FCRL2: variants seen among roughly 807,000 people sequenced by gnomAD.
FCRL2 encodes Fc receptor like 2.
FCRL2 carries 48 observed loss-of-function variants against 59.8 expected under a neutral mutation model. The observed-to-expected ratio is 0.80, with a 90% CI of 0.64 to 1.02. The LOEUF (loss-of-function observed/expected upper bound fraction) is 1.02. Ranked by LOEUF, FCRL2 falls within the 50% of genes least tolerant of loss-of-function variation. The pLI, the probability that FCRL2 is intolerant of heterozygous loss-of-function variation, is 0.00. For synonymous variants in FCRL2, 251 were observed against 229.5 expected, an observed-to-expected ratio of 1.09 and a Z score of -0.85; for missense variants, 658 against 597.3, an observed-to-expected ratio of 1.10 and a Z score of -1.06.
chr1:157,751,531 A>G (rs1388286557), intron 7 of FCRL2, among the ~76,000 whole-genome samples: 1 of 152,214 alleles, frequency 6.6e-6, no homozygotes, highest in South Asian at 2.1e-4. Context: ...ATAAAGGAAC[A>G]TTCATTTCAG....
intron 7 of FCRL2, among the ~76,000 whole-genome samples, chr1:157,760,698 G>GGAGAGAAA (rs1553203600): frequency 1.0e-5 from 1 of 97,206 alleles, no homozygotes; most frequent in Non-Finnish European, 2.0e-5. Flanking sequence ...AAAGAAAGAA[G>GGAGAGAAA]GAAAGAAAGA....
intron 10 of FCRL2, among the ~76,000 whole-genome samples, chr1:157,748,209 A>G (rs1004141408): frequency 1.3e-5 from 2 of 152,084 alleles, no homozygotes; most frequent in African/African-American, 4.8e-5. Context: ...ACTTGAGGTC[A>G]AGAGTTTGAA....
At chr1:157,760,714 A>G (rs576221653) in intron 7 of FCRL2, among the ~76,000 whole-genome samples, 13 of 145,788 alleles carry the variant, frequency 8.9e-5, no homozygotes, top group South Asian at 2.2e-4. Context: ...AAAGAAAGAA[A>G]GAAAGAAAGA....
chr1:157,767,904 T>A (rs922584886), intron 5 of FCRL2: 3 of 404,780 alleles, frequency 7.4e-6, no homozygotes, highest in Non-Finnish European at 8.4e-6. Context: ...TTTAGGTATG[T>A]TTATTCAGCC....
chr1:157,774,148 G>T (rs546662532), intron 2 of FCRL2, among the ~76,000 whole-genome samples: 1 of 152,380 alleles, frequency 6.6e-6, no homozygotes, highest in African/African-American at 2.4e-5. Flanking sequence ...GTCCCAGGTG[G>T]TGAGTGCAGT....
intron 2 of FCRL2, among the ~76,000 whole-genome samples, chr1:157,774,719 T>C (rs1650280868): frequency 6.6e-6 from 1 of 152,200 alleles, no homozygotes; most frequent in Admixed American, 6.5e-5. Flanking sequence ...CTGGACCTTA[T>C]GTGGGACAGA....
At chr1:157,769,455 T>A (rs1285860224) in intron 4 of FCRL2, 1 of 163,346 alleles carries the variant, frequency 6.1e-6, no homozygotes, top group Non-Finnish European at 1.4e-5. Context: ...TGAGACGGAG[T>A]CTCGCCCTGT....
At position 157,760,698 on chromosome 1, in the gene FCRL2, GGAAAGAAAGAAAGAAAGAAA is replaced by G. The variant is rs1163684979; in HGVS notation, c.1279+6137_1279+6156del. ...AGGAAGGAAAGAAAGAAAGAAAGAA[GGAAAGAAAGAAAGAAAGAAA>G]GAAAGAAAGAAAGAAAGAAAGAAAG... On this transcript the variant is annotated intron_variant, in intron 7 of 11. Coordinates refer to ENST00000361516, the MANE Select transcript of FCRL2 (RefSeq NM_030764.4). 4.7e-4 allele frequency among the ~76,000 whole-genome samples: 46 copies of G among 97,284 alleles called. 1 individual carries two copies. The highest frequency in any genetic ancestry group is 2.3e-3 in the South Asian group (6 of 2,588). 63.8% of individuals were successfully genotyped at this position (97,284 alleles called of 152,430 possible).
Position 157,770,078 on chromosome 1 carries a change from C to T in FCRL2, c.383G>A (p.Cys128Tyr). Residue 128 changes from cysteine (C) to tyrosine (Y), a missense_variant, in exon 4 of 12, where the codon TGT (cysteine) becomes TAT (tyrosine). Coordinates refer to ENST00000361516, the MANE Select transcript of FCRL2 (RefSeq NM_030764.4). ...CCTCTGTGGAGAGAGCCGGGTCTCACATTTCAGGCTCACTGGACCCCCTTC... is the reference window on the plus strand; with the variant it reads ...CCTCTGTGGAGAGAGCCGGGTCTCATATTTCAGGCTCACTGGACCCCCTTC... The part of the protein sequence containing the change: ...PIEGGPVSLK[C>Y]ETRLSPQRLD... 1 of 1,614,182 alleles carries T rather than the reference C, an allele frequency of 6.2e-7. No homozygotes were observed. Among genetic ancestry groups the T allele is most frequent in the Non-Finnish European group, 8.5e-7 (1 of 1,180,028 alleles).
chr1:157,773,647 A>C (rs891494998), intron 2 of FCRL2, among the ~76,000 whole-genome samples: 20 of 152,330 alleles, frequency 1.3e-4, no homozygotes, highest in African/African-American at 4.8e-4. Flanking sequence ...GATGGCTCCA[A>C]TGCCAACCAC....
chr1:157,770,579 T>C lies in FCRL2; in HGVS notation c.140A>G (p.Gln47Arg), dbSNP rs1309818752. Residue 47 changes from glutamine (Q) to arginine (R), a missense_variant, in exon 3 of 12, where the codon CAG (glutamine) becomes CGG (arginine). Gln to Arg is a conservative substitution (Grantham distance 43, BLOSUM62 1). Transcript: ENST00000361516. Reference sequence around the variant, plus strand: ...GTTATCCTTATGGTAAGCCATCTTCTGAATTTTCCAGTTCTGTTCTCCCTG... The same window carrying C: ...GTTATCCTTATGGTAAGCCATCTTCCGAATTTTCCAGTTCTGTTCTCCCTG... ...KCQGEQNWKI[Q>R]KMAYHKDNKE... 2.5e-6 allele frequency: 4 copies of C among 1,614,128 alleles called. No homozygotes were observed. The highest frequency in any genetic ancestry group is 3.4e-6 in the Non-Finnish European group (4 of 1,180,036).
intron 7 of FCRL2, chr1:157,766,470 CAA>C (rs1242299553): frequency 2.1e-4 from 35 of 169,800 alleles, no homozygotes; most frequent in Non-Finnish European, 3.1e-4. Flanking sequence ...GACTCTGTCT[CAA>C]AAAAAAAAAA....
intron 2 of FCRL2, chr1:157,774,471 G>T (rs77326280): frequency 6.6e-6 from 3 of 456,134 alleles, no homozygotes; most frequent in Middle Eastern, 3.3e-4. Context: ...AAAAAGAAAA[G>T]ATCTCAAACT....
At chr1:157,775,745 C>G in intron 2 of FCRL2, 30 bp downstream of exon 2, 1 of 1,613,684 alleles carries the variant, frequency 6.2e-7, no homozygotes, top group Non-Finnish European at 8.5e-7. Flanking sequence ...ATGCCAGAGA[C>G]CAAGAACAAC....
Position 157,749,690 on chromosome 1 carries a change from T to C in FCRL2, c.1280-13A>G, listed in dbSNP as rs188058971. The C allele has an allele frequency of 9.0e-5, 144 of 1,604,830 alleles. No individual in the cohort carries two copies. The Admixed American group carries it at 1.5e-3, about 16-fold the overall frequency. On this transcript the variant is annotated splice_polypyrimidine_tract_variant and intron_variant, in intron 7 of 11. Coordinates refer to ENST00000361516, the MANE Select transcript of FCRL2 (RefSeq NM_030764.4). ...GCAGAACTTTCTCCTGAAATGCAAATAAAACAAAATTCATTTCAGAGAAGG... is the reference window on the plus strand; with the variant it reads ...GCAGAACTTTCTCCTGAAATGCAAACAAAACAAAATTCATTTCAGAGAAGG...
At chr1:157,762,401 G>A (rs1346827098) in intron 7 of FCRL2, among the ~76,000 whole-genome samples, 1 of 152,120 alleles carries the variant, frequency 6.6e-6, no homozygotes, top group East Asian at 1.9e-4. Context: ...TAGCCACTTC[G>A]GGTATGTGAT....
In FCRL2 at chr1:157,768,454, A is replaced by G. The variant is rs761068857; in HGVS notation, c.843T>C (p.His281=). ...GKYYCRADNG[H]VPIQSKVVNI... ...TCACCACCTTGCTCTGGATAGGCAC[A>G]TGGCCGTTGTCAGCTCTACAGTAAT... The change falls in exon 5 of 12, where the codon CAT becomes CAC. Residue 281 remains histidine (H), a synonymous_variant. Coordinates refer to ENST00000361516, the MANE Select transcript of FCRL2 (RefSeq NM_030764.4). The G allele has an allele frequency of 9.9e-6, 16 of 1,614,110 alleles. No homozygotes were observed. Among genetic ancestry groups the G allele is most frequent in the Non-Finnish European group, 1.2e-5 (14 of 1,180,038 alleles).
chr1:157,764,588 C>T (rs1230271443), intron 7 of FCRL2, among the ~76,000 whole-genome samples: 1 of 152,176 alleles, frequency 6.6e-6, no homozygotes, highest in East Asian at 1.9e-4. Context: ...AAACAAGTCT[C>T]AACAAATTAT....
intron 7 of FCRL2, among the ~76,000 whole-genome samples, chr1:157,760,338 G>A (rs1648921297): frequency 6.6e-6 from 1 of 152,034 alleles, no homozygotes. Context: ...ACCTATTGGG[G>A]CCAGGCGTGG....
Sources: gnomAD v4.1 joint callset for allele counts (sites outside exome capture counted in the v4.1 genomes callset) on GRCh38, gnomAD v4.1.1 for gene constraint, MANE v1.5 for transcripts, NCBI Gene and HGNC (gene_info 2026-07-23, HGNC 2026-07-21) for gene names.